Variants in FMN1 observed in about 807,000 individuals in gnomAD.
FMN1 encodes formin 1, also known as formin-1.
A neutral mutation model predicts 132.4 loss-of-function variants in FMN1; 110 were observed. The observed-to-expected ratio is 0.83, with a 90% CI of 0.71 to 0.97. FMN1 has a LOEUF of 0.97. Ranked by LOEUF, FMN1 falls within the 50% of genes least tolerant of loss-of-function variation. FMN1 has a pLI of 0.00. For synonymous variants in FMN1, 722 were observed against 651.7 expected (o/e 1.11, Z -1.64); for missense variants, 1,792 against 1,705.3 (o/e 1.05, Z -0.90).
chr15:32,940,262 CCAGCCTT>C (rs536177599), intron 9 of FMN1, among the ~76,000 whole-genome samples: 122 of 152,258 alleles, frequency 8.0e-4, no homozygotes, highest in African/African-American at 2.8e-3. Flanking sequence ...AGTCAGGAGA[CCAGCCTT>C]CAGCCTTCTA....
chr15:32,915,876 C>A (rs980137333), intron 10 of FMN1, among the ~76,000 whole-genome samples: 11 of 152,212 alleles, frequency 7.2e-5, no homozygotes, highest in Non-Finnish European at 1.5e-4. Context: ...CACAATATGT[C>A]AAAAGGAAGT....
At chr15:33,071,506 T>C (rs1294643007) in intron 5 of FMN1, among the ~76,000 whole-genome samples, 1 of 152,220 alleles carries the variant, frequency 6.6e-6, no homozygotes, top group African/African-American at 2.4e-5. Context: ...GCCTTCCACC[T>C]CCATGAAATG....
At chr15:33,050,290 A>C (rs1455025669) in intron 6 of FMN1, among the ~76,000 whole-genome samples, 2 of 152,238 alleles carry the variant, frequency 1.3e-5, no homozygotes, top group Non-Finnish European at 2.9e-5. Flanking sequence ...CTTCCTTTAG[A>C]CCAGATTTCA....
At chr15:32,940,391 TTGTGTG>T (rs67121672) in intron 9 of FMN1, among the ~76,000 whole-genome samples, 3,257 of 145,354 alleles carry the variant, frequency 0.022, 52 homozygotes, top group East Asian at 0.028. Flanking sequence ...AAAATAAAAA[TTGTGTG>T]TGTGTGTGTG....
intron 7 of FMN1, among the ~76,000 whole-genome samples, chr15:33,003,966 G>A (rs1195462347): frequency 6.6e-6 from 1 of 152,074 alleles, no homozygotes; most frequent in Admixed American, 6.6e-5. Context: ...TTTAATAAAT[G>A]GTGCTGGGAA....
intron 4 of FMN1, among the ~76,000 whole-genome samples, chr15:33,108,597 G>A (rs558340879): frequency 6.6e-6 from 1 of 152,092 alleles, no homozygotes; most frequent in South Asian, 2.1e-4. Flanking sequence ...TTTTTAAAAG[G>A]CTACTATATA....
intron 6 of FMN1, among the ~76,000 whole-genome samples, chr15:33,015,143 T>A (rs1369212960): frequency 6.6e-6 from 1 of 152,192 alleles, no homozygotes; most frequent in Non-Finnish European, 1.5e-5. Context: ...CTGCAGAGTT[T>A]TTGTTTATTC....
At chr15:32,875,485 G>A (rs151064434) in intron 16 of FMN1, among the ~76,000 whole-genome samples, 1 of 151,808 alleles carries the variant, frequency 6.6e-6, no homozygotes, top group Non-Finnish European at 1.5e-5. Context: ...GTTAGTAAGT[G>A]GCATGGCAGA....
At chr15:32,842,315 C>A (rs530720715) in intron 17 of FMN1, among the ~76,000 whole-genome samples, 1 of 152,174 alleles carries the variant, frequency 6.6e-6, no homozygotes, top group African/African-American at 2.4e-5. Context: ...TCCATCCACC[C>A]GAGCCGAGGC....
intron 19 of FMN1, among the ~76,000 whole-genome samples, chr15:32,789,202 C>T (rs1234803726): frequency 6.6e-6 from 1 of 152,016 alleles, no homozygotes; most frequent in Admixed American, 6.6e-5. Context: ...CTTCTAGGGG[C>T]CTATGATTTA....
At chr15:33,103,222 G>T (rs769503510) in intron 4 of FMN1, among the ~76,000 whole-genome samples, 3 of 152,032 alleles carry the variant, frequency 2.0e-5, no homozygotes, top group Non-Finnish European at 4.4e-5. Context: ...TTACTATTGA[G>T]CTTAGCATAG....
chr15:33,034,598 G>T (rs1566849948), intron 6 of FMN1, among the ~76,000 whole-genome samples: 1 of 151,970 alleles, frequency 6.6e-6, no homozygotes, highest in African/African-American at 2.4e-5. Context: ...AACCCCTGAT[G>T]TCATCCCTTA....
intron 9 of FMN1, among the ~76,000 whole-genome samples, chr15:32,962,704 AAAG>A (rs2030718475): frequency 6.7e-6 from 1 of 149,028 alleles, no homozygotes; most frequent in South Asian, 2.1e-4. Context: ...ACACTTCTCA[AAAG>A]AAGACATTTA....
chr15:33,083,032 G>T (rs769982707), intron 5 of FMN1, among the ~76,000 whole-genome samples: 12 of 151,676 alleles, frequency 7.9e-5, no homozygotes, highest in Non-Finnish European at 1.6e-4. Flanking sequence ...GCTTGACCAG[G>T]ATTTGCAGGA....
chr15:33,031,602 T>G (rs908973087), intron 6 of FMN1, among the ~76,000 whole-genome samples: 3 of 152,206 alleles, frequency 2.0e-5, no homozygotes, highest in Admixed American at 1.3e-4. Flanking sequence ...TGAAGGCAAC[T>G]CCTGGAGCCG....
At chr15:33,068,253 G>T in intron 5 of FMN1, 1 of 190,918 alleles carries the variant, frequency 5.2e-6, no homozygotes. Flanking sequence ...TCCCAACCCA[G>T]GACTTCACGA....
At chr15:33,091,515 A>G (rs1253253140) in intron 4 of FMN1, among the ~76,000 whole-genome samples, 1 of 152,236 alleles carries the variant, frequency 6.6e-6, no homozygotes, top group Non-Finnish European at 1.5e-5. Context: ...GCAAGGTAAA[A>G]CCATGATGCA....
chr15:32,841,816 C>T (rs1488942011), intron 17 of FMN1, among the ~76,000 whole-genome samples: 1 of 152,182 alleles, frequency 6.6e-6, no homozygotes, highest in African/African-American at 2.4e-5. Flanking sequence ...ATGTATTTTG[C>T]TATTTATCTC....
At chr15:33,047,254 T>C (rs1404216212) in intron 6 of FMN1, among the ~76,000 whole-genome samples, 5 of 152,224 alleles carry the variant, frequency 3.3e-5, no homozygotes, top group Admixed American at 1.3e-4. Flanking sequence ...TTGAAGATTC[T>C]AGATTTTATA....
Sources: allele counts gnomAD v4.1 joint callset (sites outside exome capture counted in the v4.1 genomes callset), GRCh38; gene constraint gnomAD v4.1.1; transcripts MANE v1.5; gene names NCBI Gene and HGNC (gene_info 2026-07-23, HGNC 2026-07-21).